The following GSK3B variants were observed in gnomAD, a reference collection of about 807,000 sequenced individuals.
GSK3B encodes the protein glycogen synthase kinase-3 beta.
Under a neutral mutation model 56.4 loss-of-function variants are expected in GSK3B, and 15 were observed. The observed-to-expected ratio is 0.27, with a 90% CI of 0.18 to 0.41. The LOEUF is 0.41. Ranked by LOEUF, GSK3B falls within the 10% of genes least tolerant of loss-of-function variation. GSK3B has a pLI of 1.00. For missense variants in GSK3B, 300 were observed against 513.4 expected (o/e 0.58, Z 4.02); for synonymous variants, 181 against 188.9 (o/e 0.96, Z 0.34).
rs1157728628 is a variant in GSK3B, at chr3:119,947,205, T to C, written c.366+63A>G. 41 of 984,932 alleles carry C rather than the reference T, an allele frequency of 4.2e-5. 1 individual carries two copies. Among genetic ancestry groups the C allele is most frequent in the African/African-American group, 8.0e-5 (5 of 62,552 alleles). The allele number at this position is 984,932 out of a possible 1,614,324, so 61.0% of individuals were successfully genotyped here. On this transcript the variant is annotated intron_variant, in intron 3 of 10. Transcript: ENST00000264235. The stretch of plus-strand genomic sequence containing the variant: ...AAACTGTCTATGAGCGGTGGGGAGA[T>C]TAATTTCTAGAAAAATAACAAATTT...
At chr3:120,086,816 A>C (rs2058467356) in intron 1 of GSK3B, among the ~76,000 whole-genome samples, 1 of 151,990 alleles carries the variant, frequency 6.6e-6, no homozygotes. Context: ...AAAAAAAAAA[A>C]TTTCTCTGGG....
chr3:119,862,667 GT>G (rs79778347), intron 9 of GSK3B, among the ~76,000 whole-genome samples: 23,521 of 110,088 alleles, frequency 0.21, 1,374 homozygotes, highest in African/African-American at 0.33. Flanking sequence ...ACTATTTCTT[GT>G]TTTTTTTTTT....
chr3:120,030,864 A>G (rs2057969396), intron 1 of GSK3B, among the ~76,000 whole-genome samples: 1 of 152,252 alleles, frequency 6.6e-6, no homozygotes, highest in Non-Finnish European at 1.5e-5. Flanking sequence ...TATCTTCTGT[A>G]TGAATCAAAA....
intron 2 of GSK3B, among the ~76,000 whole-genome samples, chr3:119,989,734 C>T (rs962461994): frequency 2.0e-5 from 3 of 152,090 alleles, no homozygotes; most frequent in Admixed American, 1.3e-4. Context: ...TAGCATGTGT[C>T]ATCCCATTCC....
At chr3:119,846,951 C>T (rs928388074) in intron 9 of GSK3B, among the ~76,000 whole-genome samples, 1 of 152,148 alleles carries the variant, frequency 6.6e-6, no homozygotes, top group Non-Finnish European at 1.5e-5. Context: ...GAATATTATG[C>T]AGCCATAAAA....
intron 1 of GSK3B, among the ~76,000 whole-genome samples, chr3:120,002,884 T>C (rs923627037): frequency 7.9e-5 from 12 of 152,182 alleles, no homozygotes; most frequent in Admixed American, 2.6e-4. Context: ...AGTCTGACCT[T>C]ATCCATCCAA....
At chr3:119,902,394 A>G (rs998708801) in intron 7 of GSK3B, among the ~76,000 whole-genome samples, 109 of 151,892 alleles carry the variant, frequency 7.2e-4, no homozygotes, top group African/African-American at 2.4e-3. Flanking sequence ...AAAAGATTTG[A>G]TATTTATTAT....
At chr3:119,955,926 T>A (rs966147543) in intron 2 of GSK3B, among the ~76,000 whole-genome samples, 2 of 152,158 alleles carry the variant, frequency 1.3e-5, no homozygotes, top group African/African-American at 4.8e-5. Context: ...GTGCTGGGAT[T>A]ACAGGTGTGA....
chr3:119,872,617 TATG>T (rs1250042064), intron 8 of GSK3B, among the ~76,000 whole-genome samples: 2 of 152,150 alleles, frequency 1.3e-5, no homozygotes, highest in African/African-American at 4.8e-5. Context: ...TTAATAATTC[TATG>T]ATATGATGGT....
chr3:120,039,862 G>T (rs2058051392), intron 1 of GSK3B, among the ~76,000 whole-genome samples: 1 of 152,170 alleles, frequency 6.6e-6, no homozygotes, highest in African/African-American at 2.4e-5. Context: ...TTGGCACTGA[G>T]CATTTATCTC....
At chr3:119,920,820 T>C (rs1392784288) in intron 4 of GSK3B, among the ~76,000 whole-genome samples, 1 of 152,236 alleles carries the variant, frequency 6.6e-6, no homozygotes, top group East Asian at 1.9e-4. Context: ...AAAGTATCAG[T>C]ATGAACTCAT....
chr3:120,047,555 T>C (rs779816155), intron 1 of GSK3B, among the ~76,000 whole-genome samples: 16 of 152,184 alleles, frequency 1.1e-4, no homozygotes, highest in Non-Finnish European at 1.9e-4. Context: ...CTCAAGCAAC[T>C]AGTACATAAA....
At chr3:119,975,890 C>A (rs2057404599) in intron 2 of GSK3B, among the ~76,000 whole-genome samples, 1 of 152,112 alleles carries the variant, frequency 6.6e-6, no homozygotes, top group African/African-American at 2.4e-5. Context: ...CTGTACTTTC[C>A]ACTCACTTTT....
chr3:119,862,081 A>G (rs1055015245), intron 9 of GSK3B, among the ~76,000 whole-genome samples: 4 of 151,592 alleles, frequency 2.6e-5, no homozygotes, highest in Admixed American at 6.5e-5. Context: ...TACCAAAATA[A>G]AAGTCTTCTT....
intron 2 of GSK3B, among the ~76,000 whole-genome samples, chr3:119,989,141 C>T (rs1194687604): frequency 6.6e-6 from 1 of 152,184 alleles, no homozygotes; most frequent in East Asian, 1.9e-4. Flanking sequence ...AGAAGGAAAT[C>T]TCTTCACTGC....
At chr3:119,958,934 G>A (rs955169080) in intron 2 of GSK3B, among the ~76,000 whole-genome samples, 1 of 151,934 alleles carries the variant, frequency 6.6e-6, no homozygotes. Context: ...AACTAGAAAC[G>A]GGGGCATCAG....
At position 119,822,487 on chromosome 3, in the gene GSK3B, C is replaced by A. The variant is rs1274474434; in HGVS notation, c.*4301G>T. On this transcript the variant is annotated 3_prime_UTR_variant, in exon 11 of 11. Coordinates refer to ENST00000264235, the MANE Select transcript of GSK3B (RefSeq NM_001146156.2). ...GGAAGTCTACTTTGTCAAGCTAACC[C>A]CTTATGTACTGGTTGTCATTTTGCT... 4.4e-6 allele frequency: 1 copy of A among 225,562 alleles called. No homozygotes were observed. Among genetic ancestry groups the A allele is most frequent in the East Asian group, 6.4e-5 (1 of 15,586 alleles). The allele number at this position is 225,562 out of a possible 1,614,324, so 14.0% of individuals were successfully genotyped here.
At position 119,923,353 on chromosome 3, in the gene GSK3B, AT is replaced by A; in HGVS notation, c.477+19del. 1.6e-6 allele frequency: 2 copies of A among 1,290,294 alleles called. No homozygotes were observed. The highest frequency in any genetic ancestry group is 2.9e-5 in the African/African-American group (2 of 68,862). The allele number at this position is 1,290,294 out of a possible 1,614,324, so 79.9% of individuals were successfully genotyped here. A position where few individuals can be genotyped will look rare whatever the true frequency, so the allele number is the denominator to read the frequency against. On this transcript the variant is annotated intron_variant, in intron 4 of 10. Coordinates refer to ENST00000264235, the MANE Select transcript of GSK3B (RefSeq NM_001146156.2). Reference sequence around the variant, plus strand: ...TAAAAAATGTTTTCTAAAATGGAAAATTGTTATGTTTTTACATACCTTGACA... The same window carrying A: ...TAAAAAATGTTTTCTAAAATGGAAAATGTTATGTTTTTACATACCTTGACA...
chr3:120,040,575 T>C (rs985552450), intron 1 of GSK3B, among the ~76,000 whole-genome samples: 7 of 152,038 alleles, frequency 4.6e-5, no homozygotes, highest in Middle Eastern at 3.4e-3. Context: ...AAGAAGTCTT[T>C]AGTACAAGGG....
Sources: gnomAD v4.1 joint callset for allele counts (sites outside exome capture counted in the v4.1 genomes callset) on GRCh38, gnomAD v4.1.1 for gene constraint, MANE v1.5 for transcripts, NCBI Gene and HGNC (gene_info 2026-07-23, HGNC 2026-07-21) for gene names.